MOV10L1: variants seen among roughly 807,000 people sequenced by gnomAD.
MOV10L1 encodes RNA helicase Mov10l1.
MOV10L1 carries 110 observed loss-of-function variants against 143.8 expected under a neutral mutation model. That is an observed-to-expected ratio of 0.76 (90% CI 0.66 to 0.90). MOV10L1 has a LOEUF of 0.90. Among genes scored for constraint, MOV10L1 ranks in the 40% least tolerant of loss-of-function variants. The pLI is 0.00. For missense variants in MOV10L1, 1,406 were observed against 1,526.8 expected, an observed-to-expected ratio of 0.92 and a Z score of 1.32; for synonymous variants, 593 against 581.1, an observed-to-expected ratio of 1.02 and a Z score of -0.29.
intron 19 of MOV10L1, chr22:50,146,904 TCCA>T: frequency 1.5e-6 from 1 of 662,530 alleles, no homozygotes. Flanking sequence ...GTCTTCAAAA[TCCA>T]CCATGTATTT....
rs1159076745 is a variant in MOV10L1 at position 50,117,254 on chromosome 22, C to T, written c.1357C>T (p.Leu453=). The change falls in exon 9 of 27, where the codon CTA becomes TTA. Residue 453 remains leucine (L), a synonymous_variant. Coordinates refer to ENST00000262794, the MANE Select transcript of MOV10L1 (RefSeq NM_018995.3). ...AAATGTTATCAGTGGGGAGGAGTCACTAATTGCTGCGCGCGAACCATTTTC... is the reference window on the plus strand; with the variant it reads ...AAATGTTATCAGTGGGGAGGAGTCATTAATTGCTGCGCGCGAACCATTTTC... ...EVNVISGEES[L]IAAREPFSWK... 1 of 1,614,098 alleles carries T rather than the reference C, an allele frequency of 6.2e-7. No individual in the cohort carries two copies. Among genetic ancestry groups the T allele is most frequent in the South Asian group, 1.1e-5 (1 of 91,080 alleles).
Position 50,115,092 on chromosome 22 carries a change from G to A in MOV10L1, c.1127-22G>A, listed in dbSNP as rs576798813. On this transcript the variant is annotated intron_variant, in intron 7 of 26. Coordinates refer to ENST00000262794, the MANE Select transcript of MOV10L1 (RefSeq NM_018995.3). ...ATAATTTACCTTTTGGTCAACTTTT[G>A]TATTAAAATTTTATTTCCCAGGTGA... The A allele has an allele frequency of 9.0e-6, 14 of 1,557,346 alleles. No individual in the cohort carries two copies. In the South Asian group the frequency reaches 1.7e-4, roughly 19 times the overall value.
At position 50,158,040 on chromosome 22, in the gene MOV10L1, T is replaced by C. The variant is rs2063470497; in HGVS notation, c.3067-17T>C. On this transcript the variant is annotated splice_polypyrimidine_tract_variant and intron_variant, in intron 22 of 26. Transcript: ENST00000262794. This position sits in a 1 kb window ranked among gnomAD's most constrained non-coding sequence, Gnocchi z 5.0. The stretch of plus-strand genomic sequence containing the variant: ...TATTCATGAAGTAAAGTAGGTTTTC[T>C]CTCCTCATCAACCCAGGGCAGCGAG... 1.9e-6 allele frequency: 3 copies of C among 1,604,394 alleles called. No individual in the cohort carries two copies. Among genetic ancestry groups the C allele is most frequent in the African/African-American group, 2.7e-5 (2 of 74,572 alleles).
At chr22:50,095,226 CTGA>C (rs929523052) in intron 2 of MOV10L1, 49 of 152,258 alleles carry the variant, frequency 3.2e-4, no homozygotes, top group African/African-American at 1.1e-3. Context: ...TGCTGCAGAC[CTGA>C]TGCTCTTCTG....
At chr22:50,097,123 A>T (rs893453330) in intron 2 of MOV10L1, among the ~76,000 whole-genome samples, 2 of 152,110 alleles carry the variant, frequency 1.3e-5, no homozygotes, top group South Asian at 4.1e-4. Flanking sequence ...CATTAAAAAA[A>T]ATTTTTTGAG....
chr22:50,140,143 G>T (rs975095844), intron 15 of MOV10L1, among the ~76,000 whole-genome samples: 2 of 152,206 alleles, frequency 1.3e-5, no homozygotes, highest in African/African-American at 4.8e-5. Flanking sequence ...ACATGACTCA[G>T]CAATACAAGG....
chr22:50,144,206 C>T lies in MOV10L1; in HGVS notation c.2468C>T (p.Thr823Ile), dbSNP rs1334861712. Reference sequence around the variant, plus strand: ...GAGAGCAAGGTGCTACAGCCGGCCACCATGGTCCGGGTGAACGCCACCTGC... The same window carrying T: ...GAGAGCAAGGTGCTACAGCCGGCCATCATGGTCCGGGTGAACGCCACCTGC... ...LHESKVLQPA[T>I]MVRVNATCRF... Residue 823 changes from threonine (T) to isoleucine (I), a missense_variant, in exon 18 of 27, where the codon ACC (threonine) becomes ATC (isoleucine). Transcript: ENST00000262794. 6.2e-7 allele frequency: 1 copy of T among 1,610,918 alleles called. No homozygotes were observed. The highest frequency in any genetic ancestry group is 8.5e-7 in the Non-Finnish European group (1 of 1,177,470).
At chr22:50,150,662 A>G (rs2063273731) in intron 20 of MOV10L1, 73 bp from the exon 21 acceptor site, 4 of 1,544,586 alleles carry the variant, frequency 2.6e-6, no homozygotes, top group Non-Finnish European at 1.8e-6. Flanking sequence ...GCACAGCCCC[A>G]TTCCCACCTG....
chr22:50,139,042 A>G (rs1242297081), intron 15 of MOV10L1, among the ~76,000 whole-genome samples: 1 of 151,942 alleles, frequency 6.6e-6, no homozygotes, highest in African/African-American at 2.4e-5. Flanking sequence ...AAATGTTTTA[A>G]ACATTAGGGA....
At chr22:50,107,177 C>T (rs976496005) in intron 3 of MOV10L1, among the ~76,000 whole-genome samples, 5 of 151,524 alleles carry the variant, frequency 3.3e-5, no homozygotes, top group Admixed American at 3.3e-4. Context: ...CGGGTTCACG[C>T]CATTCTCCTG....
At chr22:50,108,403 C>T (rs182343320) in intron 4 of MOV10L1, 155 bp downstream of exon 4, 11 of 819,630 alleles carry the variant, frequency 1.3e-5, no homozygotes, top group Non-Finnish European at 2.1e-5. Flanking sequence ...ATTGACAATG[C>T]TGTGTTTCGT....
In MOV10L1 at chr22:50,152,293, C is replaced by T. The variant is rs768219298; in HGVS notation, c.2893-752C>T. ...AGGGTGCAGCATTGCATAGAGAGGA[C>T]GGCTCCCCGCGGCACAGACGCAGCG... is the stretch of plus-strand genomic sequence containing the variant. On this transcript the variant is annotated intron_variant, in intron 21 of 26. Coordinates refer to ENST00000262794, the MANE Select transcript of MOV10L1 (RefSeq NM_018995.3). The surrounding 1 kb of genome is among the most constrained non-coding windows in gnomAD (Gnocchi z 4.4). Among the ~76,000 whole-genome samples the T allele has an allele frequency of 1.3e-5, 2 of 152,214 alleles. No individual in the cohort carries two copies. Among genetic ancestry groups the T allele is most frequent in the Non-Finnish European group, 2.9e-5 (2 of 68,024 alleles).
chr22:50,093,579 G>C (rs1398613836), intron 2 of MOV10L1: 1 of 152,028 alleles, frequency 6.6e-6, no homozygotes, highest in East Asian at 1.9e-4. Context: ...TGCGATTATA[G>C]TTCACTGCAG....
chr22:50,111,837 A>G (rs1366579458), intron 5 of MOV10L1, among the ~76,000 whole-genome samples: 1 of 151,740 alleles, frequency 6.6e-6, no homozygotes, highest in Admixed American at 6.6e-5. Flanking sequence ...CTCCTCACTC[A>G]CCACCAGTGA....
chr22:50,150,921 G>C (rs780587974), intron 21 of MOV10L1, 22 bp downstream of exon 21: 2 of 1,613,646 alleles, frequency 1.2e-6, no homozygotes, highest in Admixed American at 3.3e-5. Flanking sequence ...ACTCCAGCGC[G>C]TTCAGGTCCC....
intron 5 of MOV10L1, among the ~76,000 whole-genome samples, chr22:50,112,785 G>A (rs1439985378): frequency 6.6e-6 from 1 of 152,210 alleles, no homozygotes; most frequent in Non-Finnish European, 1.5e-5. Context: ...CTTCTCCTGT[G>A]GGGGCTGAGC....
chr22:50,121,866 T>G (rs998523106), intron 10 of MOV10L1, among the ~76,000 whole-genome samples: 6 of 152,056 alleles, frequency 3.9e-5, no homozygotes, highest in African/African-American at 1.4e-4. Context: ...TCCTCCAGCT[T>G]TGTTGTTCTT....
At chr22:50,115,312 T>A (rs571109755) in intron 8 of MOV10L1, 66 bp downstream of exon 8, 12 of 1,420,592 alleles carry the variant, frequency 8.4e-6, no homozygotes, top group Non-Finnish European at 1.1e-5. Context: ...AGGTTGGGTG[T>A]TATAAAAGGT....
chr22:50,132,012 C>T (rs1326996089), intron 13 of MOV10L1, among the ~76,000 whole-genome samples: 1 of 152,236 alleles, frequency 6.6e-6, no homozygotes, highest in Non-Finnish European at 1.5e-5. Context: ...TGTCTTTTCC[C>T]TGTGTCCTCA....
Sources: gnomAD v4.1 joint callset for allele counts (sites outside exome capture counted in the v4.1 genomes callset) on GRCh38, gnomAD v4.1.1 for gene constraint, Gnocchi (gnomAD v3.1) non-coding constraint, MANE v1.5 for transcripts, NCBI Gene and HGNC (gene_info 2026-07-23, HGNC 2026-07-21) for gene names.